MICAL2: variants seen among roughly 807,000 people sequenced by gnomAD.
The protein encoded by MICAL2 is microtubule associated monooxygenase, calponin and LIM domain containing 2.
MICAL2 carries 77 observed loss-of-function variants against 127.3 expected under a neutral mutation model. The ratio of observed to expected loss-of-function variants is 0.60; its 90% CI spans 0.50 to 0.73. MICAL2 has a LOEUF of 0.73. Among genes scored for constraint, MICAL2 ranks in the 30% least tolerant of loss-of-function variants. The pLI is 0.00. For synonymous variants in MICAL2, 570 were observed against 551.1 expected (o/e 1.03, Z -0.48); for missense variants, 1,351 against 1,434.4 (o/e 0.94, Z 0.94).
rs772365218 is a variant in MICAL2, at chr11:12,209,574, G to A, written c.667G>A (p.Asp223Asn). 6.8e-6 allele frequency: 11 copies of A among 1,613,894 alleles called. No individual in the cohort carries two copies. Among genetic ancestry groups the A allele is most frequent in the Non-Finnish European group, 9.3e-6 (11 of 1,179,936 alleles). The change falls in exon 6 of 28, where the codon GAT (aspartate) becomes AAT (asparagine). Residue 223 changes from aspartate to asparagine, a missense_variant. Around this residue, in one of 2 missense-constraint regions of MICAL2, gnomAD observed 599 missense variants for 714.9 expected, o/e 0.84. Transcript: ENST00000683283. The stretch of plus-strand genomic sequence containing the variant: ...TGAGTTTGACGTCATCATTGGTGCC[G>A]ATGGCCGCAGGAACACCCTGGAAGG... ...EFEFDVIIGA[D>N]GRRNTLEGFR...
At chr11:12,197,419 A>G (rs1860079885) in intron 3 of MICAL2, 1 of 152,262 alleles carries the variant, frequency 6.6e-6, no homozygotes, top group Non-Finnish European at 1.5e-5. Flanking sequence ...TAAGCAGGCA[A>G]TAAGCGGTAG....
intron 29 of MICAL2, among the ~76,000 whole-genome samples, chr11:12,318,249 CA>C (rs1241805795): frequency 6.6e-6 from 1 of 152,144 alleles, no homozygotes; most frequent in African/African-American, 2.4e-5. Context: ...ATTATTTCCT[CA>C]AGGTCATATG....
exon 35 of MICAL2, chr11:12,358,393 G>C: frequency 6.2e-7 from 1 of 1,614,168 alleles, no homozygotes; most frequent in African/African-American, 1.3e-5. Flanking sequence ...CGATTCCTTA[G>C]AGGAACAACG....
chr11:12,120,816 A>ACACCCACAGT (rs1850444663), intron 1 of MICAL2, among the ~76,000 whole-genome samples: 1 of 152,172 alleles, frequency 6.6e-6, no homozygotes. Flanking sequence ...GACTGAACCC[A>ACACCCACAGT]GCGGACTGTG....
intron 12 of MICAL2, among the ~76,000 whole-genome samples, chr11:12,224,254 TC>T (rs1857148106): frequency 6.6e-6 from 1 of 152,002 alleles, no homozygotes; most frequent in African/African-American, 2.4e-5. Flanking sequence ...CAAACGTACC[TC>T]CCCATTACAC....
intron 29 of MICAL2, among the ~76,000 whole-genome samples, chr11:12,317,389 A>AT (rs1177885385): frequency 1.3e-5 from 2 of 152,082 alleles, no homozygotes; most frequent in Admixed American, 6.5e-5. Context: ...TGCTTCATGT[A>AT]TTTTTTCTTA....
At chr11:12,200,825 A>G (rs531044667) in intron 3 of MICAL2, among the ~76,000 whole-genome samples, 7 of 152,234 alleles carry the variant, frequency 4.6e-5, no homozygotes, top group Non-Finnish European at 1.0e-4. Flanking sequence ...CTGGTGGGAA[A>G]GGGGTCTCCT....
chr11:12,287,325 A>G (rs1486600585), downstream of MICAL2: 2 of 388,302 alleles, frequency 5.2e-6, no homozygotes, highest in East Asian at 3.6e-5. Flanking sequence ...CTTTATTTCC[A>G]CTGCTGACTA....
intron 3 of MICAL2, among the ~76,000 whole-genome samples, chr11:12,192,806 GA>G (rs1264034125): frequency 6.6e-6 from 1 of 152,232 alleles, no homozygotes; most frequent in East Asian, 1.9e-4. Context: ...TTCCTCCTGA[GA>G]AAGGAGGGAG....
At chr11:12,301,048 G>A (rs182477995) in intron 29 of MICAL2, among the ~76,000 whole-genome samples, 16 of 152,298 alleles carry the variant, frequency 1.1e-4, no homozygotes, top group Admixed American at 2.0e-4. Flanking sequence ...GAATCATGGC[G>A]GGAGGCAAAA....
chr11:12,226,410 C>T, intron 14 of MICAL2, 40 bp downstream of exon 14: 1 of 1,588,922 alleles, frequency 6.3e-7, no homozygotes, highest in South Asian at 1.1e-5. Flanking sequence ...CCCCTTGAGC[C>T]AACTCTGTCC....
chr11:12,330,819 GAGGGAGAGAC>G (rs1565307270), intron 32 of MICAL2, among the ~76,000 whole-genome samples: 21 of 150,336 alleles, frequency 1.4e-4, no homozygotes, highest in African/African-American at 4.4e-4. Flanking sequence ...GAGAGAGAGA[GAGGGAGAGAC>G]AGACAGAGAG....
intron 1 of MICAL2, among the ~76,000 whole-genome samples, chr11:12,124,608 C>A (rs148040577): frequency 6.0e-4 from 91 of 152,274 alleles, no homozygotes; most frequent in African/African-American, 2.1e-3. Flanking sequence ...GTCACTTTCC[C>A]GGGCTAGGGG....
At chr11:12,288,696 G>T (rs1417701438), downstream of MICAL2, among the ~76,000 whole-genome samples, 1 of 152,212 alleles carries the variant, frequency 6.6e-6, no homozygotes, top group African/African-American at 2.4e-5. Flanking sequence ...AATGAATGAA[G>T]TAAGGAACCA....
chr11:12,216,178 C>A, intron 7 of MICAL2, 41 bp from the exon 8 acceptor site: 1 of 1,452,300 alleles, frequency 6.9e-7, no homozygotes, highest in Non-Finnish European at 9.7e-7. Context: ...CAGTTGGTGC[C>A]GAGGAAGTAA....
At chr11:12,349,931 T>A (rs369284083) in exon 33 of MICAL2, 1 of 1,613,322 alleles carries the variant, frequency 6.2e-7, no homozygotes, top group Non-Finnish European at 8.5e-7. Flanking sequence ...TCGGAGCTCC[T>A]AATCATGTAA....
intron 18 of MICAL2, 38 bp downstream of exon 18, chr11:12,241,200 C>A (rs567281308): frequency 6.3e-7 from 1 of 1,594,676 alleles, no homozygotes; most frequent in African/African-American, 1.3e-5. Flanking sequence ...TTGGTGAAGC[C>A]AGAGGGGACT....
At chr11:12,250,730 G>C (rs919819660) in intron 22 of MICAL2, among the ~76,000 whole-genome samples, 2 of 149,962 alleles carry the variant, frequency 1.3e-5, no homozygotes, top group African/African-American at 2.5e-5. Context: ...GAAATTACTA[G>C]TTCTTAAAAA....
intron 9 of MICAL2, among the ~76,000 whole-genome samples, chr11:12,221,443 A>G (rs1016987943): frequency 1.3e-5 from 2 of 152,154 alleles, no homozygotes; most frequent in Non-Finnish European, 2.9e-5. Context: ...CCTGCGTCAT[A>G]GCACCCTTTA....
Sources: allele counts gnomAD v4.1 joint callset (sites outside exome capture counted in the v4.1 genomes callset), GRCh38; gene constraint gnomAD v4.1.1; regional missense constraint gnomAD v4.1.1; transcripts MANE v1.5; gene names NCBI Gene and HGNC (gene_info 2026-07-23, HGNC 2026-07-21).